The following SCAPER variants were observed in gnomAD, a reference collection of about 807,000 sequenced individuals.
The protein encoded by SCAPER is S-phase cyclin A associated protein in the ER.
Under a neutral mutation model 182.2 loss-of-function variants are expected in SCAPER, and 98 were observed. That is an observed-to-expected ratio of 0.54 (90% CI 0.46 to 0.64). SCAPER has a LOEUF of 0.64. SCAPER is among the 30% of genes least tolerant of loss of function. The pLI, the probability that SCAPER is intolerant of heterozygous loss-of-function variation, is 0.00. For missense variants in SCAPER, 1,432 were observed against 1,690.0 expected, an observed-to-expected ratio of 0.85 and a Z score of 2.68; for synonymous variants, 605 against 564.6, an observed-to-expected ratio of 1.07 and a Z score of -1.01.
intron 17 of SCAPER, among the ~76,000 whole-genome samples, chr15:76,718,057 A>G (rs2059985541): frequency 6.6e-6 from 1 of 152,220 alleles, no homozygotes; most frequent in Non-Finnish European, 1.5e-5. Context: ...ATTTAAGAAG[A>G]TTCAAATTGT....
chr15:76,486,578 C>T (rs981148353), intron 24 of SCAPER, among the ~76,000 whole-genome samples: 2 of 152,106 alleles, frequency 1.3e-5, no homozygotes. Context: ...AGATGACATA[C>T]ATGCAGCCAA....
Position 76,376,300 on chromosome 15 carries a change from C to T in SCAPER, c.3717G>A (p.Gly1239=), listed in dbSNP as rs1386753184. Residue 1239 remains glycine, a synonymous_variant, in exon 29 of 32, where the codon GGG becomes GGA. Transcript: ENST00000563290. ...GGAATGCAAGGGACAAGCCCTCTGC[C>T]CCTACAATAGACTGACAAAGACAAG... ...LHLPAFQSIV[G]AEGLSLAFRH... is the part of the protein sequence containing the mutation. 6.2e-7 allele frequency: 1 copy of T among 1,612,382 alleles called. No homozygotes were observed. The highest frequency in any genetic ancestry group is 1.7e-5 in the Admixed American group (1 of 59,754).
At chr15:76,764,101 C>T (rs2062963405) in intron 14 of SCAPER, among the ~76,000 whole-genome samples, 2 of 152,252 alleles carry the variant, frequency 1.3e-5, no homozygotes, top group South Asian at 4.1e-4. Flanking sequence ...GGACTGGCTT[C>T]AGAAAGGATA....
intron 5 of SCAPER, among the ~76,000 whole-genome samples, chr15:76,837,508 T>G (rs182993081): frequency 6.6e-6 from 1 of 152,160 alleles, no homozygotes. Flanking sequence ...TCAGATATCA[T>G]GAGAACTCAC....
chr15:76,806,204 G>A (rs1315691844), intron 5 of SCAPER, among the ~76,000 whole-genome samples: 1 of 152,172 alleles, frequency 6.6e-6, no homozygotes, highest in Non-Finnish European at 1.5e-5. Context: ...ACTGTATTCA[G>A]TTAATATCTG....
intron 5 of SCAPER, among the ~76,000 whole-genome samples, chr15:76,819,168 C>A (rs915474374): frequency 6.6e-6 from 1 of 152,224 alleles, no homozygotes; most frequent in Non-Finnish European, 1.5e-5. Context: ...GGGCAGGGCA[C>A]AGACAAACAA....
intron 21 of SCAPER, among the ~76,000 whole-genome samples, chr15:76,663,310 T>C (rs1399068382): frequency 6.6e-6 from 1 of 152,128 alleles, no homozygotes; most frequent in Non-Finnish European, 1.5e-5. Context: ...GTGAAGGACC[T>C]GGAATTCTCA....
chr15:76,619,948 TAC>T (rs2051866291), intron 22 of SCAPER, among the ~76,000 whole-genome samples: 1 of 152,078 alleles, frequency 6.6e-6, no homozygotes, highest in Non-Finnish European at 1.5e-5. Context: ...TGATGGCACT[TAC>T]CTGTAGTCCC....
intron 1 of SCAPER, among the ~76,000 whole-genome samples, chr15:76,894,362 C>T (rs2074316696): frequency 6.6e-6 from 1 of 152,068 alleles, no homozygotes; most frequent in African/African-American, 2.4e-5. Flanking sequence ...GAGTTCGAGG[C>T]TGTAGTGTGC....
chr15:76,870,949 AC>A (rs2072681062), intron 2 of SCAPER, among the ~76,000 whole-genome samples: 1 of 152,182 alleles, frequency 6.6e-6, no homozygotes, highest in Admixed American at 6.5e-5. Flanking sequence ...ACCGACAACA[AC>A]AACAACAAAA....
intron 27 of SCAPER, among the ~76,000 whole-genome samples, chr15:76,399,871 G>C (rs886493535): frequency 6.6e-6 from 1 of 152,068 alleles, no homozygotes; most frequent in Non-Finnish European, 1.5e-5. Context: ...CAGGCATGGT[G>C]GCAAGCGCCT....
intron 26 of SCAPER, among the ~76,000 whole-genome samples, chr15:76,426,124 CCACTCATTTCAAAGCTGT>C (rs2046407006): frequency 6.6e-6 from 1 of 152,150 alleles, no homozygotes; most frequent in South Asian, 2.1e-4. Flanking sequence ...GGGAGAACCA[CCACTCATTTCAAAGCTGT>C]CAGACAGGGA....
intron 29 of SCAPER, among the ~76,000 whole-genome samples, chr15:76,375,614 GAATATTTTATTAAA>G (rs2042503720): frequency 6.6e-6 from 1 of 152,198 alleles, no homozygotes; most frequent in Non-Finnish European, 1.5e-5. Context: ...TGTGGCTTAA[GAATATTTTATTAAA>G]AATATTTTAT....
At chr15:76,588,877 C>T (rs953914994) in intron 22 of SCAPER, among the ~76,000 whole-genome samples, 1 of 152,010 alleles carries the variant, frequency 6.6e-6, no homozygotes, top group Non-Finnish European at 1.5e-5. Flanking sequence ...TAGGCTATGT[C>T]AGAGGGAAGA....
At chr15:76,617,831 G>A (rs545907152) in intron 22 of SCAPER, among the ~76,000 whole-genome samples, 53 of 152,268 alleles carry the variant, frequency 3.5e-4, no homozygotes, top group African/African-American at 1.2e-3. Flanking sequence ...AGGAGAAACA[G>A]CAAAGTTCTA....
chr15:76,845,769 C>G (rs559329963), intron 4 of SCAPER, among the ~76,000 whole-genome samples: 4 of 152,100 alleles, frequency 2.6e-5, no homozygotes, highest in Admixed American at 2.0e-4. Flanking sequence ...TCCATAATAT[C>G]CAAAGCAATC....
chr15:76,839,738 A>G (rs2151763238), intron 5 of SCAPER, among the ~76,000 whole-genome samples: 1 of 152,328 alleles, frequency 6.6e-6, no homozygotes, highest in East Asian at 1.9e-4. Context: ...AAAGCTTGGA[A>G]TAAGTGACAG....
rs1022245288 is a variant in SCAPER, at chr15:76,754,028, T to C, written c.1726-80A>G. On this transcript the variant is annotated intron_variant, in intron 14 of 31. Coordinates refer to ENST00000563290, the MANE Select transcript of SCAPER (RefSeq NM_020843.4). ...GAAGTACAAACAAGTAAATGGCTTA[T>C]GAAATATAAACTCTAAGCGTGGAAA... 48 of 1,453,626 alleles carry C rather than the reference T, an allele frequency of 3.3e-5. No individual in the cohort carries two copies. The Middle Eastern group carries it at 1.4e-3, about 43-fold the overall frequency. 90.0% of individuals were successfully genotyped at this position (1,453,626 alleles called of 1,614,324 possible).
intron 14 of SCAPER, among the ~76,000 whole-genome samples, chr15:76,758,490 T>A (rs758152514): frequency 6.6e-6 from 1 of 152,186 alleles, no homozygotes; most frequent in African/African-American, 2.4e-5. Context: ...TACTATACTT[T>A]TATAATAAAA....
Sources: allele counts gnomAD v4.1 joint callset (sites outside exome capture counted in the v4.1 genomes callset), GRCh38; gene constraint gnomAD v4.1.1; transcripts MANE v1.5; gene names NCBI Gene and HGNC (gene_info 2026-07-23, HGNC 2026-07-21).